Variants in PRKCE observed in about 807,000 individuals in gnomAD.
PRKCE encodes the protein protein kinase C epsilon type.
PRKCE carries 16 observed loss-of-function variants against 85.4 expected under a neutral mutation model. The observed-to-expected ratio is 0.19, with a 90% CI of 0.13 to 0.28. PRKCE has a LOEUF of 0.28. Among genes scored for constraint, PRKCE ranks in the 10% least tolerant of loss-of-function variants. The probability of loss-of-function intolerance (pLI) is 1.00; values close to 1 mark genes in which losing one functional copy is unlikely to be tolerated. For missense variants in PRKCE, 573 were observed against 975.2 expected (o/e 0.59, Z 5.49); for synonymous variants, 388 against 371.5 (o/e 1.04, Z -0.51).
At chr2:46,150,068 T>C (rs1015589768) in intron 12 of PRKCE, among the ~76,000 whole-genome samples, 2 of 152,106 alleles carry the variant, frequency 1.3e-5, no homozygotes, top group South Asian at 2.1e-4. Flanking sequence ...CAGGCTGGTC[T>C]CGAAGTCCTG....
intron 1 of PRKCE, among the ~76,000 whole-genome samples, chr2:45,702,360 C>T (rs888775441): frequency 6.6e-6 from 1 of 152,144 alleles, no homozygotes; most frequent in African/African-American, 2.4e-5. Flanking sequence ...AGCTATTAGC[C>T]TTTCTGCACC....
Position 45,905,301 on chromosome 2 carries a change from A to G in PRKCE, c.412+62238A>G, listed in dbSNP as rs1436608162. 6.6e-6 allele frequency among the ~76,000 whole-genome samples: 1 copy of G among 151,932 alleles called. No homozygotes were observed. Among genetic ancestry groups the G allele is most frequent in the Non-Finnish European group, 1.5e-5 (1 of 67,966 alleles). On this transcript the variant is annotated intron_variant, in intron 2 of 14. Coordinates refer to ENST00000306156, the MANE Select transcript of PRKCE (RefSeq NM_005400.3). This position sits in a 1 kb window ranked among gnomAD's most constrained non-coding sequence, Gnocchi z 4.4. ...GTAGTGGGAAAACAGGGAAGCTCCA[A>G]AAAAAAAGTAACTCAGAGGTCAAGG... is the stretch of plus-strand genomic sequence containing the variant.
rs1318685174 is a variant in PRKCE, at chr2:46,187,646, T to C, written c.*2765T>C. On this transcript the variant is annotated 3_prime_UTR_variant, in exon 15 of 15. Coordinates refer to ENST00000306156, the MANE Select transcript of PRKCE (RefSeq NM_005400.3). ...TAGCTGTTCTTCTGTGTTCTCTCAT[T>C]ATGGACTTTGTGAAGTAGAAACATA... The C allele has an allele frequency of 3.3e-5, 5 of 152,376 alleles. No homozygotes were observed. Among genetic ancestry groups the C allele is most frequent in the Non-Finnish European group, 7.4e-5 (5 of 68,000 alleles). The allele number at this position is 152,376 out of a possible 1,614,324, so 9.4% of individuals were successfully genotyped here.
At chr2:46,116,355 C>A (rs1169635533) in intron 11 of PRKCE, among the ~76,000 whole-genome samples, 1 of 152,212 alleles carries the variant, frequency 6.6e-6, no homozygotes, top group Non-Finnish European at 1.5e-5. Flanking sequence ...CTGCAATATA[C>A]AGGATTCTAA....
At chr2:45,653,467 A>G (rs951645750) in intron 1 of PRKCE, among the ~76,000 whole-genome samples, 1 of 139,642 alleles carries the variant, frequency 7.2e-6, no homozygotes, top group Admixed American at 8.2e-5. Flanking sequence ...ACATGTTTCC[A>G]GCAAGTACAA....
At chr2:45,848,535 T>A (rs1431078808) in intron 2 of PRKCE, among the ~76,000 whole-genome samples, 5 of 152,186 alleles carry the variant, frequency 3.3e-5, no homozygotes, top group Non-Finnish European at 5.9e-5. Flanking sequence ...GGTCTCGAAC[T>A]CCTGACTTCA....
At chr2:46,116,946 T>C (rs1306874997) in intron 11 of PRKCE, among the ~76,000 whole-genome samples, 1 of 152,154 alleles carries the variant, frequency 6.6e-6, no homozygotes, top group East Asian at 1.9e-4. Flanking sequence ...TTGCTATTGT[T>C]TGAAGGGAAG....
chr2:45,961,244 C>T (rs572708640), intron 2 of PRKCE, among the ~76,000 whole-genome samples: 1 of 152,290 alleles, frequency 6.6e-6, no homozygotes, highest in South Asian at 2.1e-4. Flanking sequence ...TTTCCCCCCC[C>T]GATTTGGTTG....
chr2:46,085,749 G>C (rs67156590), intron 10 of PRKCE, among the ~76,000 whole-genome samples: 1 of 18,660 alleles, frequency 5.4e-5, no homozygotes, highest in East Asian at 6.5e-3. Flanking sequence ...TTTTTTTTTT[G>C]TTTTTGTTTT....
At chr2:45,848,247 G>A (rs747472577) in intron 2 of PRKCE, among the ~76,000 whole-genome samples, 2 of 152,110 alleles carry the variant, frequency 1.3e-5, no homozygotes, top group African/African-American at 2.4e-5. Flanking sequence ...ATAATCCAAT[G>A]TCTTCTAGTT....
At chr2:45,856,987 T>G (rs1573626699) in intron 2 of PRKCE, among the ~76,000 whole-genome samples, 1 of 152,380 alleles carries the variant, frequency 6.6e-6, no homozygotes, top group East Asian at 1.9e-4. Flanking sequence ...ATATCTTGGC[T>G]GTTGTGAATA....
At chr2:45,667,401 G>T (rs1283535637) in intron 1 of PRKCE, among the ~76,000 whole-genome samples, 3 of 152,054 alleles carry the variant, frequency 2.0e-5, no homozygotes, top group South Asian at 4.1e-4. Flanking sequence ...TCTCACTTCG[G>T]CCTCCCAAAG....
chr2:46,129,518 G>T (rs894603757), intron 11 of PRKCE, among the ~76,000 whole-genome samples: 1 of 152,232 alleles, frequency 6.6e-6, no homozygotes, highest in African/African-American at 2.4e-5. Context: ...CAAGAACAGC[G>T]CATGTCACGT....
At chr2:46,018,767 A>G (rs1706389981) in intron 10 of PRKCE, among the ~76,000 whole-genome samples, 1 of 152,230 alleles carries the variant, frequency 6.6e-6, no homozygotes, top group African/African-American at 2.4e-5. Flanking sequence ...CTCTATGTAA[A>G]CTGTTTCACT....
At chr2:45,991,287 A>G (rs1466033918) in intron 6 of PRKCE, among the ~76,000 whole-genome samples, 3 of 152,164 alleles carry the variant, frequency 2.0e-5, no homozygotes, top group African/African-American at 7.2e-5. Flanking sequence ...GATTACAGGC[A>G]TGAGCCACCA....
intron 1 of PRKCE, among the ~76,000 whole-genome samples, chr2:45,656,955 GA>G (rs1675407172): frequency 6.6e-6 from 1 of 152,278 alleles, no homozygotes; most frequent in South Asian, 2.1e-4. Context: ...ATTCATGTTA[GA>G]AGCAGAGGCT....
chr2:45,893,398 T>TGCCCTCTC (rs1412152153), intron 2 of PRKCE, among the ~76,000 whole-genome samples: 1 of 151,356 alleles, frequency 6.6e-6, no homozygotes, highest in African/African-American at 2.4e-5. Context: ...CTTGACCTCT[T>TGCCCTCTC]GCCCTCTCGC....
intron 2 of PRKCE, among the ~76,000 whole-genome samples, chr2:45,932,271 G>A (rs1699102201): frequency 6.6e-6 from 1 of 152,208 alleles, no homozygotes; most frequent in Admixed American, 6.5e-5. Flanking sequence ...CATTTTCATT[G>A]CTGTAGACTA....
Position 46,007,499 on chromosome 2 carries a change from G to A in PRKCE, c.1101G>A (p.Leu367=), listed in dbSNP as rs1263234521. ...KELENNIRKA[L]SFDNRGEEHR... ...TTGAGAACAACATTCGGAAAGCCTT[G>A]TCATTTGACAACCGAGGAGAGGAGC... is the stretch of plus-strand genomic sequence containing the variant. Residue 367 remains leucine, a synonymous_variant, in exon 9 of 15, where the codon TTG becomes TTA. Transcript: ENST00000306156. 19 of 1,599,816 alleles carry A rather than the reference G, an allele frequency of 1.2e-5. No homozygotes were observed. Among genetic ancestry groups the A allele is most frequent in the South Asian group, 2.2e-5 (2 of 91,090 alleles).
Sources: gnomAD v4.1 joint callset for allele counts (sites outside exome capture counted in the v4.1 genomes callset) on GRCh38, gnomAD v4.1.1 for gene constraint, Gnocchi (gnomAD v3.1) non-coding constraint, MANE v1.5 for transcripts, NCBI Gene and HGNC (gene_info 2026-07-23, HGNC 2026-07-21) for gene names.